The following UBE3A variants were observed in gnomAD, a reference collection of about 807,000 sequenced individuals.
UBE3A encodes ubiquitin-protein ligase E3A.
UBE3A carries 6 observed loss-of-function variants against 83.4 expected under a neutral mutation model. That is an observed-to-expected ratio of 0.07 (90% CI 0.04 to 0.14). UBE3A has a LOEUF of 0.14. UBE3A is among the 10% of genes least tolerant of loss of function. UBE3A has a pLI of 1.00. For synonymous variants in UBE3A, 337 were observed against 355.4 expected (o/e 0.95, Z 0.58); for missense variants, 456 against 1,036.1 (o/e 0.44, Z 7.69).
intron 11 of UBE3A, among the ~76,000 whole-genome samples, chr15:25,353,289 C>G (rs991666648): frequency 6.6e-6 from 1 of 152,152 alleles, no homozygotes; most frequent in African/African-American, 2.4e-5. Flanking sequence ...TTCCCACATA[C>G]CACGACGAAC....
intron 4 of UBE3A, among the ~76,000 whole-genome samples, chr15:25,382,333 G>A (rs1468026743): frequency 2.0e-5 from 3 of 149,492 alleles, no homozygotes; most frequent in African/African-American, 2.5e-5. Flanking sequence ...AAAAAAAAAA[G>A]AAAAGAAAAG....
chr15:25,380,863 A>G (rs1258921422), intron 4 of UBE3A, among the ~76,000 whole-genome samples: 3 of 152,234 alleles, frequency 2.0e-5, no homozygotes, highest in Non-Finnish European at 4.4e-5. Context: ...AAAGTCCTCT[A>G]AAGTCAGACA....
chr15:25,419,545 C>G (rs529994317), intron 1 of UBE3A: 1 of 151,686 alleles, frequency 6.6e-6, no homozygotes, highest in Admixed American at 6.6e-5. Context: ...GAAAATAACA[C>G]CAGCAACAAA....
At chr15:25,400,199 T>A (rs2086740599) in intron 4 of UBE3A, among the ~76,000 whole-genome samples, 1 of 152,262 alleles carries the variant, frequency 6.6e-6, no homozygotes, top group Admixed American at 6.5e-5. Context: ...TAATCAATGT[T>A]ACATAGTTTT....
intron 11 of UBE3A, among the ~76,000 whole-genome samples, chr15:25,348,917 A>G (rs2076103348): frequency 6.6e-6 from 1 of 152,236 alleles, no homozygotes; most frequent in South Asian, 2.1e-4. Flanking sequence ...AACCCAAATC[A>G]AAATCTCTGC....
At chr15:25,345,833 GAGTAATT>G (rs934089231) in intron 11 of UBE3A, 1 of 151,902 alleles carries the variant, frequency 6.6e-6, no homozygotes, top group Non-Finnish European at 1.5e-5. Context: ...CACAACTAAG[GAGTAATT>G]AGAAATGCAA....
At chr15:25,417,454 T>A (rs2153120078) in intron 1 of UBE3A, among the ~76,000 whole-genome samples, 1 of 151,642 alleles carries the variant, frequency 6.6e-6, no homozygotes, top group East Asian at 1.9e-4. Context: ...AAAAATAAAA[T>A]AAAATAAATA....
At chr15:25,415,633 CTCCT>C (rs2090752099) in intron 1 of UBE3A, 1 of 152,066 alleles carries the variant, frequency 6.6e-6, no homozygotes, top group African/African-American at 2.4e-5. Flanking sequence ...TAATCACCAT[CTCCT>C]TCATGTCTTA....
intron 4 of UBE3A, among the ~76,000 whole-genome samples, chr15:25,378,943 T>C (rs1270555141): frequency 6.6e-6 from 1 of 152,164 alleles, no homozygotes; most frequent in Non-Finnish European, 1.5e-5. Context: ...ATGCATTTTA[T>C]AGACATTCCC....
intron 2 of UBE3A, among the ~76,000 whole-genome samples, chr15:25,410,285 A>G (rs2089692173): frequency 6.6e-6 from 1 of 152,144 alleles, no homozygotes; most frequent in Non-Finnish European, 1.5e-5. Context: ...CCTCAACCAA[A>G]TATCTTTTTA....
chr15:25,403,124 T>C (rs896960215), intron 4 of UBE3A, among the ~76,000 whole-genome samples: 9 of 152,222 alleles, frequency 5.9e-5, no homozygotes, highest in Admixed American at 2.6e-4. Context: ...CTTCTGGCTA[T>C]TGGAGAAAAG....
At chr15:25,355,121 T>TTAA (rs1442719474) in intron 9 of UBE3A, among the ~76,000 whole-genome samples, 1 of 152,166 alleles carries the variant, frequency 6.6e-6, no homozygotes, top group Non-Finnish European at 1.5e-5. Flanking sequence ...ACAGACACAT[T>TTAA]TAAACCATGT....
At chr15:25,341,676 T>C (rs976379183) in intron 11 of UBE3A, among the ~76,000 whole-genome samples, 1 of 150,222 alleles carries the variant, frequency 6.7e-6, no homozygotes, top group African/African-American at 2.5e-5. Flanking sequence ...GGCAGAAGAA[T>C]TGCTTGAACA....
intron 5 of UBE3A, chr15:25,374,359 T>A (rs1031219559): frequency 1.3e-5 from 2 of 152,350 alleles, no homozygotes; most frequent in Non-Finnish European, 2.9e-5. Context: ...GCTGGCTGCA[T>A]TCCACTGTGC....
intron 1 of UBE3A, among the ~76,000 whole-genome samples, chr15:25,425,808 G>T (rs1054148669): frequency 1.3e-5 from 2 of 152,080 alleles, no homozygotes; most frequent in African/African-American, 4.8e-5. Context: ...AATACAAGAG[G>T]CTCTCTTCTG....
chr15:25,393,699 C>A (rs753598286), intron 4 of UBE3A: 4 of 152,168 alleles, frequency 2.6e-5, no homozygotes, highest in Non-Finnish European at 5.9e-5. Flanking sequence ...AGAAACAGTT[C>A]ATCCATTCAA....
At position 25,334,350 on chromosome 15, in the gene UBE3A, T is replaced by A. The variant is rs1000840171; in HGVS notation, c.*4787A>T. On this transcript the variant is annotated 3_prime_UTR_variant, in exon 13 of 13. Coordinates refer to ENST00000648336, the MANE Select transcript of UBE3A (RefSeq NM_130839.5). ...CATCAGTAAAATACTTAGAAAAAAA[T>A]TAAAGACGTCAAGACTTGCACACTG... 4 of 151,864 alleles carry A rather than the reference T, an allele frequency of 2.6e-5. No homozygotes were observed. In the South Asian group the frequency reaches 8.3e-4, roughly 31 times the overall value. The allele number at this position is 151,864 out of a possible 1,614,324, so 9.4% of individuals were successfully genotyped here. A position where few individuals can be genotyped will look rare whatever the true frequency, so the allele number is the denominator to read the frequency against.
chr15:25,356,984 G>T, intron 7 of UBE3A, 88 bp from the exon 8 acceptor site: 1 of 1,137,712 alleles, frequency 8.8e-7, no homozygotes, highest in Non-Finnish European at 1.3e-6. Flanking sequence ...AAATAATTAT[G>T]CATATAAAAC....
intron 4 of UBE3A, among the ~76,000 whole-genome samples, chr15:25,380,647 T>C (rs891465327): frequency 6.6e-6 from 1 of 152,134 alleles, no homozygotes; most frequent in Non-Finnish European, 1.5e-5. Flanking sequence ...ATTTCCCTGA[T>C]GAGATCCCTT....
Sources: allele counts gnomAD v4.1 joint callset (sites outside exome capture counted in the v4.1 genomes callset), GRCh38; gene constraint gnomAD v4.1.1; transcripts MANE v1.5; gene names NCBI Gene and HGNC (gene_info 2026-07-23, HGNC 2026-07-21).